The following AGBL4 variants were observed in gnomAD, a reference collection of about 807,000 sequenced individuals.
AGBL4 encodes the protein AGBL carboxypeptidase 4.
AGBL4 carries 58 observed loss-of-function variants against 66.4 expected under a neutral mutation model. That is an observed-to-expected ratio of 0.87 (90% confidence interval 0.71 to 1.09). The LOEUF (loss-of-function observed/expected upper bound fraction) is 1.09, where lower values mean the gene tolerates loss of function less well. Ranked by LOEUF, AGBL4 falls within the 50% of genes least tolerant of loss-of-function variation. The pLI, the probability that AGBL4 is intolerant of heterozygous loss-of-function variation, is 0.00. For missense variants in AGBL4, 579 were observed against 631.0 expected (o/e 0.92, Z 0.88); for synonymous variants, 234 against 222.9 (o/e 1.05, Z -0.44).
At chr1:49,733,527 G>A (rs1649619432) in intron 2 of AGBL4, among the ~76,000 whole-genome samples, 1 of 152,118 alleles carries the variant, frequency 6.6e-6, no homozygotes, top group South Asian at 2.1e-4. Context: ...TACTTCTGGA[G>A]GCTAGGAAGT....
At chr1:49,570,800 C>T (rs1336791608) in intron 3 of AGBL4, among the ~76,000 whole-genome samples, 1 of 151,872 alleles carries the variant, frequency 6.6e-6, no homozygotes. Context: ...ATTCTTCTGT[C>T]TATGGCTAGG....
At position 49,563,489 on chromosome 1, in the gene AGBL4, A is replaced by C. The variant is rs1644108300; in HGVS notation, c.282+133824T>G. Among the ~76,000 whole-genome samples the C allele has an allele frequency of 2.0e-5, 3 of 152,226 alleles. No homozygotes were observed. In the Middle Eastern group the frequency reaches 0.01, roughly 518 times the overall value. On this transcript the variant is annotated intron_variant, in intron 3 of 13. Coordinates refer to ENST00000371839, the MANE Select transcript of AGBL4 (RefSeq NM_032785.4). ...TTATTTTGAGATACGTCCCATCAGTACCTAATTTATTGAGAGTTTTTAGCA... is the reference window on the plus strand; with the variant it reads ...TTATTTTGAGATACGTCCCATCAGTCCCTAATTTATTGAGAGTTTTTAGCA...
At chr1:49,597,723 G>A (rs1034569098) in intron 3 of AGBL4, among the ~76,000 whole-genome samples, 1 of 152,172 alleles carries the variant, frequency 6.6e-6, no homozygotes, top group African/African-American at 2.4e-5. Flanking sequence ...TAAAAGTCAA[G>A]ATCTCCTTCA....
At chr1:49,335,387 T>C (rs988522938) in intron 3 of AGBL4, among the ~76,000 whole-genome samples, 2 of 152,226 alleles carry the variant, frequency 1.3e-5, no homozygotes, top group African/African-American at 4.8e-5. Context: ...TTTAATCTTT[T>C]CTGTATATAA....
chr1:48,891,354 CA>C, intron 5 of AGBL4, among the ~76,000 whole-genome samples: 1 of 152,196 alleles, frequency 6.6e-6, no homozygotes, highest in Non-Finnish European at 1.5e-5. Flanking sequence ...GGAACAGAAA[CA>C]ACAGAGTCAA....
downstream of AGBL4, among the ~76,000 whole-genome samples, chr1:48,532,402 GT>G (rs1202928304): frequency 6.6e-6 from 1 of 152,158 alleles, no homozygotes. Flanking sequence ...AGAACCCAAA[GT>G]TGCCTGGCTC....
intron 3 of AGBL4, among the ~76,000 whole-genome samples, chr1:49,289,564 A>G (rs1240712805): frequency 3.3e-5 from 5 of 152,200 alleles, no homozygotes; most frequent in Admixed American, 1.3e-4. Context: ...GTCTGTGTTC[A>G]CTTTTGTAGT....
At chr1:49,931,245 A>G (rs1348768655) in intron 1 of AGBL4, among the ~76,000 whole-genome samples, 2 of 152,214 alleles carry the variant, frequency 1.3e-5, no homozygotes, top group Non-Finnish European at 2.9e-5. Flanking sequence ...CTGAGAAAAA[A>G]ATAAAGACTT....
chr1:49,612,284 G>A (rs1158706287), intron 3 of AGBL4, among the ~76,000 whole-genome samples: 1 of 152,126 alleles, frequency 6.6e-6, no homozygotes, highest in African/African-American at 2.4e-5. Context: ...GTCAAGCAAA[G>A]CTGCTGTTAT....
At chr1:49,195,874 T>A (rs1209885632) in intron 4 of AGBL4, among the ~76,000 whole-genome samples, 1 of 152,114 alleles carries the variant, frequency 6.6e-6, no homozygotes, top group Non-Finnish European at 1.5e-5. Context: ...AGAGATCTGG[T>A]AGGAGGTGAT....
chr1:49,656,590 T>C lies in AGBL4; in HGVS notation c.282+40723A>G, dbSNP rs186629096. Among the ~76,000 whole-genome samples, 216 of 152,262 alleles carry C rather than the reference T, an allele frequency of 1.4e-3. 1 individual carries two copies. Among genetic ancestry groups the C allele is most frequent in the Middle Eastern group, 6.8e-3 (2 of 294 alleles). Reference sequence around the variant, plus strand: ...TTAGACCAATATCCCTGATGAACGTTGATGCAAAAATCCTCAATAAAATAC... The same window carrying C: ...TTAGACCAATATCCCTGATGAACGTCGATGCAAAAATCCTCAATAAAATAC... On this transcript the variant is annotated intron_variant, in intron 3 of 13. Transcript: ENST00000371839.
chr1:48,974,879 G>T (rs1279797634), intron 5 of AGBL4, among the ~76,000 whole-genome samples: 1 of 151,904 alleles, frequency 6.6e-6, no homozygotes, highest in Non-Finnish European at 1.5e-5. Flanking sequence ...TACCTGTCAG[G>T]GACCATAGCA....
intron 4 of AGBL4, among the ~76,000 whole-genome samples, chr1:49,193,532 C>CTT (rs879757160): frequency 7.2e-6 from 1 of 139,850 alleles, no homozygotes. Context: ...GTATTGATTT[C>CTT]TTTTTTTTTT....
chr1:49,262,036 C>G (rs1337920257), intron 3 of AGBL4, among the ~76,000 whole-genome samples: 1 of 151,888 alleles, frequency 6.6e-6, no homozygotes, highest in Admixed American at 6.6e-5. Flanking sequence ...CTTTGACAAA[C>G]CTGAGAAAAA....
Position 49,423,747 on chromosome 1 carries a change from G to A in AGBL4, c.283-177883C>T, listed in dbSNP as rs184055366. On this transcript the variant is annotated intron_variant, in intron 3 of 13. Coordinates refer to ENST00000371839, the MANE Select transcript of AGBL4 (RefSeq NM_032785.4). ...GAATCACCTGCACGTGGGAGGCGGA[G>A]GTTGCAGTGAGCTGAGATTGCACCA... is the stretch of plus-strand genomic sequence containing the variant. Among the ~76,000 whole-genome samples, 8 of 149,676 alleles carry A rather than the reference G, an allele frequency of 5.3e-5. No individual in the cohort carries two copies. In the East Asian group the frequency reaches 1.6e-3, roughly 30 times the overall value.
chr1:49,739,053 G>A (rs963208968), intron 2 of AGBL4, among the ~76,000 whole-genome samples: 5 of 152,230 alleles, frequency 3.3e-5, no homozygotes, highest in African/African-American at 1.2e-4. Flanking sequence ...AAGCTGGATG[G>A]AGAATGACTT....
intron 6 of AGBL4, among the ~76,000 whole-genome samples, chr1:48,735,786 G>A (rs1177268223): frequency 2.6e-5 from 4 of 151,184 alleles, no homozygotes; most frequent in Non-Finnish European, 5.9e-5. Context: ...TTCCTGCTCT[G>A]GGTACACAGC....
intron 1 of AGBL4, among the ~76,000 whole-genome samples, chr1:50,005,574 C>A (rs1049025615): frequency 3.9e-5 from 6 of 152,088 alleles, no homozygotes; most frequent in Non-Finnish European, 7.4e-5. Context: ...CAATAAATAC[C>A]TAACTCTTCA....
chr1:49,942,513 C>T (rs1462012331), intron 1 of AGBL4, among the ~76,000 whole-genome samples: 1 of 151,932 alleles, frequency 6.6e-6, no homozygotes, highest in East Asian at 1.9e-4. Context: ...CAGAAAACAT[C>T]CCAGAAATAA....
Sources: gnomAD v4.1 joint callset for allele counts (sites outside exome capture counted in the v4.1 genomes callset) on GRCh38, gnomAD v4.1.1 for gene constraint, MANE v1.5 for transcripts, NCBI Gene and HGNC (gene_info 2026-07-23, HGNC 2026-07-21) for gene names.